ADRA1A: variants seen among roughly 807,000 people sequenced by gnomAD.
The protein encoded by ADRA1A is alpha-1A adrenergic receptor.
ADRA1A carries 31 observed loss-of-function variants against 29.6 expected under a neutral mutation model. That is an observed-to-expected ratio of 1.05 (90% CI 0.79 to 1.41). The LOEUF (loss-of-function observed/expected upper bound fraction) is 1.41. ADRA1A is among the 40% of genes most tolerant of loss of function. The pLI is 0.00. For missense variants in ADRA1A, 619 were observed against 601.1 expected (o/e 1.03, Z -0.31); for synonymous variants, 311 against 254.3 (o/e 1.22, Z -2.12).
At chr8:26,818,906 A>G (rs919102523) in intron 2 of ADRA1A, among the ~76,000 whole-genome samples, 1 of 152,094 alleles carries the variant, frequency 6.6e-6, no homozygotes, top group Non-Finnish European at 1.5e-5. Flanking sequence ...GAGAGAGAGA[A>G]AGCGGCAGAA....
intron 2 of ADRA1A, among the ~76,000 whole-genome samples, chr8:26,803,293 T>C (rs1808728202): frequency 6.6e-6 from 1 of 152,190 alleles, no homozygotes; most frequent in African/African-American, 2.4e-5. Context: ...TCATTTATTC[T>C]GATACGATTA....
In ADRA1A at chr8:26,864,086, C is replaced by G. The variant is rs145750728; in HGVS notation, c.883+1G>C. ...TAAAGTGAGGGGTGTTCAAGACTTA[C>G]CAATGGGCATGACTAAGAAAAAAGG... is the stretch of plus-strand genomic sequence containing the variant. On this transcript the variant is annotated splice_donor_variant, in intron 2 of 2. Coordinates refer to ENST00000380573, the MANE Select transcript of ADRA1A (RefSeq NM_000680.4). LOFTEE classifies it high-confidence loss of function. The surrounding 1 kb of genome is among the most constrained non-coding windows in gnomAD (Gnocchi z 8.1). The G allele has an allele frequency of 7.5e-5, 121 of 1,611,144 alleles. No homozygotes were observed. The highest frequency in any genetic ancestry group is 9.8e-5 in the Non-Finnish European group (115 of 1,178,708).
rs1226620800 is a variant in ADRA1A at position 26,831,983 on chromosome 8, C to T, written c.883+32104G>A. ...GGGGACAGAGGCCTGCTGGTCTCAC[C>T]CCACATTTCTCATCCATTTAGAGGA... is the stretch of plus-strand genomic sequence containing the variant. On this transcript the variant is annotated intron_variant, in intron 2 of 2. Transcript: ENST00000380573. This position sits in a 1 kb window ranked among gnomAD's most constrained non-coding sequence, Gnocchi z 5.2. Among the ~76,000 whole-genome samples, 2 of 152,182 alleles carry T rather than the reference C, an allele frequency of 1.3e-5. No individual in the cohort carries two copies. The highest frequency in any genetic ancestry group is 4.8e-5 in the African/African-American group (2 of 41,446).
chr8:26,842,840 ACTCT>A (rs1286590872), intron 2 of ADRA1A, among the ~76,000 whole-genome samples: 1 of 118,646 alleles, frequency 8.4e-6, no homozygotes, highest in African/African-American at 3.3e-5. Flanking sequence ...GTTTTCCATG[ACTCT>A]CTCTCTCCCT....
At chr8:26,835,695 G>T (rs182505696) in intron 2 of ADRA1A, 1 of 152,258 alleles carries the variant, frequency 6.6e-6, no homozygotes, top group African/African-American at 2.4e-5. Context: ...TGAGATTTGG[G>T]TGGGGATATA....
chr8:26,787,565 G>T lies in ADRA1A; in HGVS notation c.884-16899C>A, dbSNP rs895882506. Among the ~76,000 whole-genome samples the T allele has an allele frequency of 6.6e-6, 1 of 151,988 alleles. No individual in the cohort carries two copies. Among genetic ancestry groups the T allele is most frequent in the African/African-American group, 2.4e-5 (1 of 41,382 alleles). ...AATAAAAGGAGAACTGTCATCTGTA[G>T]TTCTTGGATATGGAGAGAAGGGAAA... is the stretch of plus-strand genomic sequence containing the variant. On this transcript the variant is annotated intron_variant, in intron 2 of 2. Transcript: ENST00000380573. This position sits in a 1 kb window ranked among gnomAD's most constrained non-coding sequence, Gnocchi z 4.2.
intron 2 of ADRA1A, among the ~76,000 whole-genome samples, chr8:26,849,410 T>C (rs1289206946): frequency 1.3e-5 from 2 of 152,284 alleles, no homozygotes; most frequent in South Asian, 4.1e-4. Context: ...CTACAACAGG[T>C]GCCCAGGCGG....
At chr8:26,826,639 G>A (rs1810595134) in intron 2 of ADRA1A, among the ~76,000 whole-genome samples, 1 of 152,148 alleles carries the variant, frequency 6.6e-6, no homozygotes, top group Non-Finnish European at 1.5e-5. Context: ...CCCCTGCGGT[G>A]CTCATCGACC....
At chr8:26,758,174 T>C (rs1414303855) in intron 2 of ADRA1A, among the ~76,000 whole-genome samples, 1 of 152,166 alleles carries the variant, frequency 6.6e-6, no homozygotes, top group East Asian at 1.9e-4. Flanking sequence ...ATTTAGTGCC[T>C]AGCACCTTGA....
At chr8:26,750,211 CT>C (rs1166416200) in intron 2 of ADRA1A, among the ~76,000 whole-genome samples, 3 of 151,712 alleles carry the variant, frequency 2.0e-5, no homozygotes, top group African/African-American at 4.8e-5. Flanking sequence ...TCTTCTTTTT[CT>C]TTTTTTTGAG....
intron 2 of ADRA1A, among the ~76,000 whole-genome samples, chr8:26,749,887 G>A (rs1804850447): frequency 6.6e-6 from 1 of 152,142 alleles, no homozygotes; most frequent in Non-Finnish European, 1.5e-5. Context: ...CCTTCCAGAA[G>A]AAGGCCTGGT....
chr8:26,816,928 A>C (rs1158760511), intron 2 of ADRA1A, among the ~76,000 whole-genome samples: 1 of 152,214 alleles, frequency 6.6e-6, no homozygotes, highest in African/African-American at 2.4e-5. Flanking sequence ...ATCTAGAAGA[A>C]AATGTAGTAG....
At chr8:26,817,844 C>T (rs1282233991) in intron 2 of ADRA1A, among the ~76,000 whole-genome samples, 1 of 152,046 alleles carries the variant, frequency 6.6e-6, no homozygotes, top group Admixed American at 6.5e-5. Flanking sequence ...CTGATGTTAA[C>T]CCAAGTTAAA....
chr8:26,834,056 T>A (rs1255274003), intron 2 of ADRA1A, among the ~76,000 whole-genome samples: 2 of 152,174 alleles, frequency 1.3e-5, no homozygotes, highest in Admixed American at 6.5e-5. Context: ...AGCAGGAAGG[T>A]AGCTGGGTAA....
At chr8:26,758,531 G>A (rs1302632441) in intron 2 of ADRA1A, among the ~76,000 whole-genome samples, 4 of 152,180 alleles carry the variant, frequency 2.6e-5, no homozygotes, top group African/African-American at 4.8e-5. Context: ...GTACACAATT[G>A]TATCTGCTAA....
At chr8:26,859,199 T>G (rs975989192) in intron 2 of ADRA1A, 30 of 1,285,140 alleles carry the variant, frequency 2.3e-5, no homozygotes, top group Non-Finnish European at 2.9e-5. Context: ...TTTAAGAATG[T>G]ATGTCCCTTG....
intron 2 of ADRA1A, among the ~76,000 whole-genome samples, chr8:26,777,324 A>G (rs1462775476): frequency 1.3e-5 from 2 of 152,232 alleles, no homozygotes; most frequent in East Asian, 3.9e-4. Flanking sequence ...TGAAATGTGT[A>G]TGTCCAGAGA....
chr8:26,760,194 A>G (rs1220881949), intron 2 of ADRA1A, among the ~76,000 whole-genome samples: 1 of 152,226 alleles, frequency 6.6e-6, no homozygotes, highest in Non-Finnish European at 1.5e-5. Flanking sequence ...GTCAGGGAAC[A>G]CTGTGAGGCA....
At chr8:26,862,150 T>G (rs149843421) in intron 2 of ADRA1A, among the ~76,000 whole-genome samples, 252 of 152,330 alleles carry the variant, frequency 1.7e-3, no homozygotes, top group African/African-American at 5.8e-3. Flanking sequence ...CCCCTCCCTG[T>G]CTGTAGTTGA....
Sources: gnomAD v4.1 joint callset for allele counts (sites outside exome capture counted in the v4.1 genomes callset) on GRCh38, gnomAD v4.1.1 for gene constraint, Gnocchi (gnomAD v3.1) non-coding constraint, MANE v1.5 for transcripts, NCBI Gene and HGNC (gene_info 2026-07-23, HGNC 2026-07-21) for gene names.